The following PLPPR4 variants were observed in gnomAD, a reference collection of about 807,000 sequenced individuals.
PLPPR4 encodes the protein phospholipid phosphatase-related protein type 4.
A neutral mutation model predicts 56.6 loss-of-function variants in PLPPR4; 24 were observed. That is an observed-to-expected ratio of 0.42 (90% CI 0.31 to 0.60). The LOEUF is 0.60. Ranked by LOEUF, PLPPR4 falls within the 20% of genes least tolerant of loss-of-function variation. PLPPR4 has a pLI of 0.13. For synonymous variants in PLPPR4, 326 were observed against 328.1 expected (o/e 0.99, Z 0.07); for missense variants, 654 against 885.8 (o/e 0.74, Z 3.32).
chr1:99,305,642 G>A (rs756178759), intron 6 of PLPPR4, 43 bp from the exon 7 acceptor site: 42 of 1,574,472 alleles, frequency 2.7e-5, no homozygotes, highest in African/African-American at 5.4e-5. Flanking sequence ...CCTAGTGACT[G>A]TCTTCTAGTG....
chr1:99,300,024 T>A (rs1440368223), intron 4 of PLPPR4, among the ~76,000 whole-genome samples: 1 of 152,016 alleles, frequency 6.6e-6, no homozygotes, highest in Non-Finnish European at 1.5e-5. Flanking sequence ...TACACCTGAA[T>A]AATTAAAGCC....
At chr1:99,304,109 A>C (rs1161508538) in intron 6 of PLPPR4, among the ~76,000 whole-genome samples, 3 of 152,210 alleles carry the variant, frequency 2.0e-5, no homozygotes, top group African/African-American at 7.2e-5. Flanking sequence ...ACAAGAATTA[A>C]ACAACTACAG....
At chr1:99,265,060 G>T (rs1028944063) in intron 1 of PLPPR4, among the ~76,000 whole-genome samples, 4 of 152,098 alleles carry the variant, frequency 2.6e-5, no homozygotes, top group Non-Finnish European at 5.9e-5. Context: ...CGGGAACTCC[G>T]TGTGCACACA....
chr1:99,298,521 G>A (rs529805593), intron 3 of PLPPR4, among the ~76,000 whole-genome samples: 9 of 152,070 alleles, frequency 5.9e-5, no homozygotes, highest in South Asian at 2.1e-4. Flanking sequence ...TCATTTCCAC[G>A]TTAGGGCCTG....
intron 5 of PLPPR4, 83 bp from the exon 6 acceptor site, chr1:99,301,641 C>A: frequency 1.0e-6 from 1 of 982,192 alleles, no homozygotes; most frequent in Non-Finnish European, 1.5e-6. Context: ...TCAATTGTAT[C>A]AGACTTTTAA....
Position 99,301,748 on chromosome 1 carries a change from G to A in PLPPR4, c.673G>A (p.Asp225Asn). The A allele has an allele frequency of 6.2e-7, 1 of 1,606,890 alleles. No individual in the cohort carries two copies. The highest frequency in any genetic ancestry group is 1.3e-5 in the African/African-American group (1 of 74,820). Reference sequence around the variant, plus strand: ...GATGTACTTCAATTCCACATTAACGGATTCCTCTAAGCTTCTGAAACCTCT... The same window carrying A: ...GATGTACTTCAATTCCACATTAACGAATTCCTCTAAGCTTCTGAAACCTCT... Reference protein sequence around the residue: ...VSMYFNSTLTDSSKLLKPLLV... With the variant: ...VSMYFNSTLTNSSKLLKPLLV... The change falls in exon 6 of 7, where the codon GAT becomes AAT. Residue 225 changes from aspartate to asparagine, a missense_variant. Asp to Asn is a conservative substitution (Grantham distance 23). This residue lies in a region of PLPPR4 where 186 missense variants were observed against 331.4 expected (regional missense o/e 0.56). Coordinates refer to ENST00000370185, the MANE Select transcript of PLPPR4 (RefSeq NM_014839.5).
chr1:99,289,843 G>T (rs1231128935), intron 2 of PLPPR4, among the ~76,000 whole-genome samples: 1 of 152,034 alleles, frequency 6.6e-6, no homozygotes, highest in Non-Finnish European at 1.5e-5. Context: ...CATACTGAAT[G>T]GGCAAAAGCT....
intron 2 of PLPPR4, among the ~76,000 whole-genome samples, chr1:99,295,519 A>C (rs1419708069): frequency 6.6e-6 from 1 of 152,220 alleles, no homozygotes. Context: ...ACAGACTGTT[A>C]GTATCTCATT....
chr1:99,272,936 G>C (rs1406508920), intron 1 of PLPPR4, among the ~76,000 whole-genome samples: 1 of 151,952 alleles, frequency 6.6e-6, no homozygotes, highest in African/African-American at 2.4e-5. Context: ...AACTCAAGTA[G>C]TGCTATTTTT....
chr1:99,287,843 A>C (rs1659508019), intron 1 of PLPPR4, 122 bp from the exon 2 acceptor site: 1 of 717,306 alleles, frequency 1.4e-6, no homozygotes, highest in Admixed American at 2.8e-5. Context: ...AGAACTTATG[A>C]ATGATTTTTA....
chr1:99,271,692 C>T (rs1470575818), intron 1 of PLPPR4, among the ~76,000 whole-genome samples: 1 of 151,960 alleles, frequency 6.6e-6, no homozygotes, highest in Non-Finnish European at 1.5e-5. Flanking sequence ...CAAATGGCAC[C>T]CATGAGTCTC....
intron 1 of PLPPR4, among the ~76,000 whole-genome samples, chr1:99,276,481 G>A (rs1292762015): frequency 1.3e-5 from 2 of 151,902 alleles, no homozygotes; most frequent in Non-Finnish European, 2.9e-5. Flanking sequence ...AATTAATTTA[G>A]AAACACTGAT....
chr1:99,296,598 G>A (rs1659747780), intron 2 of PLPPR4, 140 bp from the exon 3 acceptor site: 1 of 609,710 alleles, frequency 1.6e-6, no homozygotes, highest in Non-Finnish European at 2.6e-6. Context: ...AAATTGCTGT[G>A]CCTCTACAGC....
At chr1:99,269,681 T>C (rs1025015894) in intron 1 of PLPPR4, among the ~76,000 whole-genome samples, 6 of 152,244 alleles carry the variant, frequency 3.9e-5, no homozygotes, top group African/African-American at 7.2e-5. Context: ...TTCTGCTATA[T>C]GATATAACAT....
chr1:99,284,776 T>A (rs1659420355), intron 1 of PLPPR4, among the ~76,000 whole-genome samples: 2 of 152,172 alleles, frequency 1.3e-5, no homozygotes, highest in Admixed American at 1.3e-4. Context: ...TTAATTCATA[T>A]GTTAATGTGG....
intron 6 of PLPPR4, among the ~76,000 whole-genome samples, chr1:99,303,368 G>T (rs1379339249): frequency 3.9e-5 from 6 of 151,912 alleles, no homozygotes; most frequent in African/African-American, 1.5e-4. Flanking sequence ...GGAGTTGAGG[G>T]GATCAATTGA....
At chr1:99,276,220 T>G (rs1659182194) in intron 1 of PLPPR4, among the ~76,000 whole-genome samples, 1 of 152,118 alleles carries the variant, frequency 6.6e-6, no homozygotes, top group Admixed American at 6.6e-5. Context: ...TAAAGATGTG[T>G]ATGTAGGAGA....
At position 99,307,496 on chromosome 1, in the gene PLPPR4, C is replaced by T. The variant is rs962984314; in HGVS notation, c.*486C>T. ...TATTATAGTACATATACCATGTAAA[C>T]TCTCAAACTCTATTTAGCTGTGAAA... is the stretch of plus-strand genomic sequence containing the variant. On this transcript the variant is annotated 3_prime_UTR_variant, in exon 7 of 7. Transcript: ENST00000370185. The T allele has an allele frequency of 1.9e-5, 3 of 155,572 alleles. No homozygotes were observed. Among genetic ancestry groups the T allele is most frequent in the African/African-American group, 7.2e-5 (3 of 41,460 alleles). The allele number at this position is 155,572 out of a possible 1,614,324, so 9.6% of individuals were successfully genotyped here. A position where few individuals can be genotyped will look rare whatever the true frequency, so the allele number is the denominator to read the frequency against.
At chr1:99,278,645 C>T (rs573221658) in intron 1 of PLPPR4, among the ~76,000 whole-genome samples, 2 of 152,250 alleles carry the variant, frequency 1.3e-5, no homozygotes, top group East Asian at 1.9e-4. Flanking sequence ...GTAAGAAGAA[C>T]AAATTTTCAC....
Sources: gnomAD v4.1 joint callset for allele counts (sites outside exome capture counted in the v4.1 genomes callset) on GRCh38, gnomAD v4.1.1 for gene constraint, gnomAD v4.1.1 regional missense constraint, MANE v1.5 for transcripts, NCBI Gene and HGNC (gene_info 2026-07-23, HGNC 2026-07-21) for gene names.